The following CEP128 variants were observed in gnomAD, a reference collection of about 807,000 sequenced individuals.
CEP128 encodes the protein centrosomal protein 128kDa.
A neutral mutation model predicts 156.7 loss-of-function variants in CEP128; 132 were observed. That is an observed-to-expected ratio of 0.84 (90% confidence interval 0.73 to 0.97). The LOEUF is 0.97. CEP128 is among the 50% of genes least tolerant of loss of function. The pLI, the probability that CEP128 is intolerant of heterozygous loss-of-function variation, is 0.00. For missense variants in CEP128, 1,252 were observed against 1,281.9 expected (o/e 0.98, Z 0.36); for synonymous variants, 469 against 448.9 (o/e 1.04, Z -0.57).
chr14:80,543,075 G>T (rs985943121), intron 21 of CEP128, among the ~76,000 whole-genome samples: 2 of 152,172 alleles, frequency 1.3e-5, no homozygotes, highest in South Asian at 4.1e-4. Context: ...TGAATTTCTT[G>T]TGACAGGCAG....
intron 23 of CEP128, among the ~76,000 whole-genome samples, chr14:80,522,314 A>G (rs1888781419): frequency 6.6e-6 from 1 of 152,226 alleles, no homozygotes. Flanking sequence ...AATCACAAAG[A>G]TTCAATGAGA....
Position 80,850,770 on chromosome 14 carries a change from C to T in CEP128, c.763-10002G>A, listed in dbSNP as rs567230087. Among the ~76,000 whole-genome samples the T allele has an allele frequency of 5.3e-5, 8 of 152,238 alleles. No individual in the cohort carries two copies. The South Asian group carries it at 1.4e-3, about 28-fold the overall frequency. On this transcript the variant is annotated intron_variant, in intron 9 of 24. Transcript: ENST00000555265. Reference sequence around the variant, plus strand: ...TACATTTAGAATGCATGTATCTGGGCATCTCCATTCTAAATTTCTTTTTCA... The same window carrying T: ...TACATTTAGAATGCATGTATCTGGGTATCTCCATTCTAAATTTCTTTTTCA...
chr14:80,554,936 C>A (rs1890366367), intron 21 of CEP128, among the ~76,000 whole-genome samples: 1 of 151,764 alleles, frequency 6.6e-6, no homozygotes, highest in African/African-American at 2.4e-5. Flanking sequence ...AAAGAGCCAC[C>A]AGAAAAAAAT....
intron 17 of CEP128, among the ~76,000 whole-genome samples, chr14:80,759,703 G>C (rs1262837521): frequency 1.3e-5 from 2 of 152,074 alleles, no homozygotes; most frequent in Non-Finnish European, 2.9e-5. Flanking sequence ...AGGGGAAGAA[G>C]TGTAAAACCC....
intron 15 of CEP128, among the ~76,000 whole-genome samples, chr14:80,780,096 TTA>T (rs1393951787): frequency 2.6e-5 from 4 of 152,044 alleles, no homozygotes; most frequent in Non-Finnish European, 5.9e-5. Flanking sequence ...AAATTTAAAT[TTA>T]AAAATAGGTA....
intron 16 of CEP128, among the ~76,000 whole-genome samples, chr14:80,769,165 A>G (rs187401141): frequency 8.1e-4 from 123 of 152,304 alleles, no homozygotes; most frequent in Non-Finnish European, 5.9e-5. Flanking sequence ...CAAAAGAAAA[A>G]AATTATCATT....
At chr14:80,714,544 A>G (rs1897532790) in intron 19 of CEP128, among the ~76,000 whole-genome samples, 1 of 152,178 alleles carries the variant, frequency 6.6e-6, no homozygotes, top group Admixed American at 6.6e-5. Flanking sequence ...ACACTGCAAA[A>G]TTTCTCACTG....
At chr14:80,899,861 T>G in intron 7 of CEP128, 77 bp downstream of exon 7, 2 of 1,033,108 alleles carry the variant, frequency 1.9e-6, no homozygotes, top group South Asian at 2.8e-5. Context: ...AAAATCTAGA[T>G]AAATATGTCA....
At chr14:80,513,853 C>T (rs1301218526) in intron 23 of CEP128, among the ~76,000 whole-genome samples, 4 of 152,166 alleles carry the variant, frequency 2.6e-5, no homozygotes, top group Non-Finnish European at 5.9e-5. Flanking sequence ...GCAAAGCCAT[C>T]CTTTGTGTGG....
At chr14:80,580,351 G>C in intron 20 of CEP128, 23 bp downstream of exon 20, 1 of 1,525,696 alleles carries the variant, frequency 6.6e-7, no homozygotes, top group Non-Finnish European at 9.1e-7. Context: ...TACCAAGCAT[G>C]CTTGCCCTAT....
chr14:80,858,519 T>C (rs1333770436), intron 9 of CEP128, among the ~76,000 whole-genome samples: 2 of 117,554 alleles, frequency 1.7e-5, no homozygotes, highest in Non-Finnish European at 3.5e-5. Context: ...CCAAAAGCAA[T>C]GGCAACAAAA....
intron 6 of CEP128, among the ~76,000 whole-genome samples, chr14:80,903,633 G>C (rs1883706646): frequency 6.7e-6 from 1 of 149,264 alleles, no homozygotes; most frequent in Non-Finnish European, 1.5e-5. Flanking sequence ...AATATATAAA[G>C]AACTCAAACA....
chr14:80,810,881 C>T (rs552580219), intron 13 of CEP128, among the ~76,000 whole-genome samples: 1 of 152,244 alleles, frequency 6.6e-6, no homozygotes, highest in South Asian at 2.1e-4. Flanking sequence ...CACCTATCAA[C>T]CCATCACCTA....
intron 12 of CEP128, 48 bp downstream of exon 12, chr14:80,836,157 A>G: frequency 6.3e-7 from 1 of 1,577,078 alleles, no homozygotes; most frequent in South Asian, 1.2e-5. Flanking sequence ...AAAAACCAAA[A>G]AGCCCCCACA....
Position 80,595,263 on chromosome 14 carries a change from T to G in CEP128, c.2807-14840A>C, listed in dbSNP as rs538015155. On this transcript the variant is annotated intron_variant, in intron 19 of 24. Transcript: ENST00000555265. ...GTGTGTTCTCACTCATAAGTTGGAG[T>G]TGAACAATGAGAACACATGGACACA... Among the ~76,000 whole-genome samples the G allele has an allele frequency of 1.1e-4, 17 of 151,910 alleles. 1 individual carries two copies. The South Asian group carries it at 3.6e-3, about 32-fold the overall frequency.
chr14:80,753,737 G>A (rs1416449446), intron 18 of CEP128, among the ~76,000 whole-genome samples: 1 of 152,090 alleles, frequency 6.6e-6, no homozygotes, highest in Non-Finnish European at 1.5e-5. Context: ...TCTCTCTGGT[G>A]GAAACTCTTT....
chr14:80,564,166 T>C (rs1890813625), intron 20 of CEP128, among the ~76,000 whole-genome samples: 1 of 152,212 alleles, frequency 6.6e-6, no homozygotes, highest in African/African-American at 2.4e-5. Flanking sequence ...TTTTCTATTA[T>C]TCTTTAGTTC....
At chr14:80,742,563 T>A (rs1566889152) in intron 19 of CEP128, among the ~76,000 whole-genome samples, 1 of 152,196 alleles carries the variant, frequency 6.6e-6, no homozygotes, top group Non-Finnish European at 1.5e-5. Flanking sequence ...TTCCCCTTAC[T>A]CTACTGTTTC....
At chr14:80,685,897 C>A (rs1896506048) in intron 19 of CEP128, among the ~76,000 whole-genome samples, 1 of 152,094 alleles carries the variant, frequency 6.6e-6, no homozygotes, top group Middle Eastern at 3.4e-3. Flanking sequence ...GAACAGCTAG[C>A]TAGGCCATAG....
Sources: gnomAD v4.1 joint callset for allele counts (sites outside exome capture counted in the v4.1 genomes callset) on GRCh38, gnomAD v4.1.1 for gene constraint, MANE v1.5 for transcripts, NCBI Gene and HGNC (gene_info 2026-07-23, HGNC 2026-07-21) for gene names.